ACTL6A: variants seen among roughly 807,000 people sequenced by gnomAD.
ACTL6A encodes actin like 6A, also known as actin-like protein 6A.
ACTL6A carries 5 observed loss-of-function variants against 59.2 expected under a neutral mutation model. The ratio of observed to expected loss-of-function variants is 0.08; its 90% CI spans 0.04 to 0.18. The LOEUF (loss-of-function observed/expected upper bound fraction) is 0.18, where lower values mean the gene tolerates loss of function less well. ACTL6A is among the 10% of genes least tolerant of loss of function. ACTL6A has a pLI of 1.00. For synonymous variants in ACTL6A, 154 were observed against 171.8 expected, an observed-to-expected ratio of 0.90 and a Z score of 0.81; for missense variants, 285 against 526.9, an observed-to-expected ratio of 0.54 and a Z score of 4.49.
At chr3:179,569,264 A>G (rs983598203) in intron 1 of ACTL6A, among the ~76,000 whole-genome samples, 1 of 152,182 alleles carries the variant, frequency 6.6e-6, no homozygotes, top group Non-Finnish European at 1.5e-5. Flanking sequence ...TTCTGATAAC[A>G]GTTATTTCTT....
chr3:179,579,783 T>C (rs1326560503), intron 8 of ACTL6A, among the ~76,000 whole-genome samples: 1 of 152,084 alleles, frequency 6.6e-6, no homozygotes, highest in Non-Finnish European at 1.5e-5. Flanking sequence ...AGCAAGACTC[T>C]GTCTCAAAAA....
chr3:179,570,002 A>C lies in ACTL6A; in HGVS notation c.103-65A>C. Reference sequence around the variant, plus strand: ...AAACAAAATATAATAAAATACATTAATTGGGGAAAAAATGCCTTCTTGATG... The same window carrying C: ...AAACAAAATATAATAAAATACATTACTTGGGGAAAAAATGCCTTCTTGATG... On this transcript the variant is annotated intron_variant, in intron 2 of 13. Transcript: ENST00000429709. This position sits in a 1 kb window ranked among gnomAD's most constrained non-coding sequence, Gnocchi z 4.3. 8 of 1,580,046 alleles carry C rather than the reference A, an allele frequency of 5.1e-6. No homozygotes were observed. Among genetic ancestry groups the C allele is most frequent in the Non-Finnish European group, 6.9e-6 (8 of 1,161,240 alleles).
intron 8 of ACTL6A, among the ~76,000 whole-genome samples, chr3:179,577,586 C>G (rs1467341153): frequency 6.6e-6 from 1 of 152,090 alleles, no homozygotes; most frequent in Non-Finnish European, 1.5e-5. Flanking sequence ...ATTATTGTCC[C>G]CCAGGTACTA....
At chr3:179,587,829 T>C (rs1718554092) in intron 13 of ACTL6A, 101 bp from the exon 14 acceptor site, 1 of 848,694 alleles carries the variant, frequency 1.2e-6, no homozygotes, top group East Asian at 2.9e-5. Flanking sequence ...CACTCCAGCC[T>C]GGCTGACAGA....
At chr3:179,566,966 G>C (rs1410024792) in intron 1 of ACTL6A, among the ~76,000 whole-genome samples, 1 of 151,966 alleles carries the variant, frequency 6.6e-6, no homozygotes, top group African/African-American at 2.4e-5. Flanking sequence ...TGGGCTTACA[G>C]GTGTGAGCCA....
rs1046497606 is a variant in ACTL6A, at chr3:179,563,041, G to A, written c.-52G>A. On this transcript the variant is annotated 5_prime_UTR_variant, in exon 1 of 14. Coordinates refer to ENST00000429709, the MANE Select transcript of ACTL6A (RefSeq NM_004301.5). The stretch of plus-strand genomic sequence containing the variant: ...CTCGAGACTCGCAGTCGCGGCCACT[G>A]CAGTCACTTCGCCAGTTAGCCCTTA... The A allele has an allele frequency of 7.5e-6, 12 of 1,603,344 alleles. No homozygotes were observed. The highest frequency in any genetic ancestry group is 1.0e-5 in the Non-Finnish European group (12 of 1,177,224).
chr3:179,568,193 A>G (rs1717896339), intron 1 of ACTL6A, among the ~76,000 whole-genome samples: 2 of 151,308 alleles, frequency 1.3e-5, no homozygotes, highest in African/African-American at 4.9e-5. Flanking sequence ...AAAAAAAAAA[A>G]GAGATCATTC....
At chr3:179,568,192 A>G (rs368881758) in intron 1 of ACTL6A, among the ~76,000 whole-genome samples, 134 of 151,824 alleles carry the variant, frequency 8.8e-4, no homozygotes, top group South Asian at 4.8e-3. Flanking sequence ...AAAAAAAAAA[A>G]AGAGATCATT....
chr3:179,585,011 T>C (rs951070760), intron 12 of ACTL6A, among the ~76,000 whole-genome samples: 2 of 152,244 alleles, frequency 1.3e-5, no homozygotes, highest in African/African-American at 4.8e-5. Context: ...ACAGTTGACA[T>C]CTGCCTTGTA....
chr3:179,585,332 C>T (rs917620457), intron 12 of ACTL6A, among the ~76,000 whole-genome samples: 1 of 152,152 alleles, frequency 6.6e-6, no homozygotes, highest in African/African-American at 2.4e-5. Context: ...AAACTCCCGA[C>T]CTCAGGTGAT....
chr3:179,569,531 T>G (rs1326141100), intron 1 of ACTL6A, among the ~76,000 whole-genome samples: 1 of 152,190 alleles, frequency 6.6e-6, no homozygotes, highest in Non-Finnish European at 1.5e-5. Context: ...GAAACTAGGT[T>G]CAAGTGAGTA....
chr3:179,585,692 A>G (rs911850993), intron 12 of ACTL6A, among the ~76,000 whole-genome samples: 44 of 152,298 alleles, frequency 2.9e-4, no homozygotes, highest in African/African-American at 1.1e-3. Context: ...AAATATGTTC[A>G]TTTATAGAAT....
At position 179,588,003 on chromosome 3, in the gene ACTL6A, G is replaced by A; in HGVS notation, c.1283G>A (p.Cys428Tyr). ...EGGKQCVERKCP is the reference protein window; with the variant it reads ...EGGKQCVERKYP The stretch of plus-strand genomic sequence containing the variant: ...GGGAAGCAGTGTGTAGAAAGAAAAT[G>A]CCCTTGAGAAAGAGTTCCCAAGCTT... The change falls in exon 14 of 14, where the codon TGC becomes TAC. Residue 428 changes from cysteine (C) to tyrosine (Y), a missense_variant. Transcript: ENST00000429709. 1 of 1,599,620 alleles carries A rather than the reference G, an allele frequency of 6.3e-7. No individual in the cohort carries two copies. The highest frequency in any genetic ancestry group is 8.5e-7 in the Non-Finnish European group (1 of 1,176,126).
chr3:179,575,584 A>G, intron 5 of ACTL6A: 1 of 376,890 alleles, frequency 2.7e-6, no homozygotes, highest in Non-Finnish European at 5.2e-6. Flanking sequence ...CTCAGTAAAT[A>G]TTTGATGAAT....
Position 179,563,081 on chromosome 3 carries a change from C to T in ACTL6A, c.-12C>T. ...GTTAGCCCTTAGGGTAGGAGTCGCG[C>T]CGGCAGCAGCCATGAGCGGCGGCGT... On this transcript the variant is annotated 5_prime_UTR_variant, in exon 1 of 14. Transcript: ENST00000429709. 2 of 1,611,502 alleles carry T rather than the reference C, an allele frequency of 1.2e-6. No homozygotes were observed. Among genetic ancestry groups the T allele is most frequent in the Middle Eastern group, 1.7e-4 (1 of 6,050 alleles).
At chr3:179,563,287 C>G in intron 1 of ACTL6A, 170 bp downstream of exon 1, 1 of 1,175,030 alleles carries the variant, frequency 8.5e-7, no homozygotes, top group Non-Finnish European at 1.2e-6. Context: ...GGAGCCCACC[C>G]GGCTCGCCGT....
chr3:179,586,948 A>G (rs1343217181), intron 13 of ACTL6A, among the ~76,000 whole-genome samples: 1 of 152,180 alleles, frequency 6.6e-6, no homozygotes, highest in Non-Finnish European at 1.5e-5. Context: ...TTTAAAATGA[A>G]AACATTGCTT....
intron 8 of ACTL6A, among the ~76,000 whole-genome samples, chr3:179,578,571 A>G (rs926257935): frequency 2.6e-5 from 4 of 152,132 alleles, no homozygotes; most frequent in Admixed American, 1.3e-4. Context: ...GTGAGCTGTG[A>G]TTGTACCAGT....
intron 8 of ACTL6A, among the ~76,000 whole-genome samples, chr3:179,579,938 C>G (rs981764732): frequency 6.6e-6 from 1 of 152,108 alleles, no homozygotes; most frequent in Admixed American, 6.6e-5. Flanking sequence ...CCATGCCTGG[C>G]TAATTTTTTA....
Sources: allele counts gnomAD v4.1 joint callset (sites outside exome capture counted in the v4.1 genomes callset), GRCh38; gene constraint gnomAD v4.1.1; non-coding constraint Gnocchi (gnomAD v3.1); transcripts MANE v1.5; gene names NCBI Gene and HGNC (gene_info 2026-07-23, HGNC 2026-07-21).